The following TEX11 variants were observed in gnomAD, a reference collection of about 807,000 sequenced individuals.
The protein encoded by TEX11 is testis-expressed protein 11.
Under a neutral mutation model 84.4 loss-of-function variants are expected in TEX11, and 7 were observed. The ratio of observed to expected loss-of-function variants is 0.08; its 90% CI spans 0.05 to 0.16. The LOEUF (loss-of-function observed/expected upper bound fraction) is 0.16. Among genes scored for constraint, TEX11 ranks in the 10% least tolerant of loss-of-function variants. The pLI is 1.00. For missense variants in TEX11, 551 were observed against 660.5 expected (o/e 0.83, Z 1.82); for synonymous variants, 264 against 222.8 (o/e 1.18, Z -1.64).
In TEX11 at chrX:70,903,877, C is replaced by A. The variant is rs759401937; in HGVS notation, c.37+3876G>T. On this transcript the variant is annotated intron_variant, in intron 2 of 29. Coordinates refer to ENST00000374333, the MANE Select transcript of TEX11 (RefSeq NM_031276.3). ...ACAGGATCTCACTCTGTCACCCAAG[C>A]TGGAGCAATCAAGGCTCACTGCAGG... Among the ~76,000 whole-genome samples, 4 of 107,564 alleles carry A rather than the reference C, an allele frequency of 3.7e-5. No homozygotes were observed. The Admixed American group carries it at 4.0e-4, about 11-fold the overall frequency. 93.4% of individuals were successfully genotyped at this position (107,564 alleles called of 115,157 possible).
chrX:70,699,364 C>G (rs2090307362), intron 13 of TEX11, among the ~76,000 whole-genome samples: 1 of 111,585 alleles, frequency 9.0e-6, no homozygotes, highest in African/African-American at 3.3e-5. Flanking sequence ...TAATAATAAA[C>G]TAGTGATTCA....
chrX:70,546,251 A>G (rs2088122829), intron 28 of TEX11, among the ~76,000 whole-genome samples: 1 of 112,016 alleles, frequency 8.9e-6, no homozygotes, highest in Admixed American at 9.5e-5. Flanking sequence ...AAAATTTAAA[A>G]TGAATCATAG....
chrX:70,586,980 AG>A (rs1259509485), intron 25 of TEX11, among the ~76,000 whole-genome samples: 1 of 112,225 alleles, frequency 8.9e-6, no homozygotes, highest in East Asian at 2.8e-4. Flanking sequence ...CATGGAGATG[AG>A]GAACTTCTTG....
intron 16 of TEX11, among the ~76,000 whole-genome samples, chrX:70,667,429 C>G (rs1295715206): frequency 8.9e-6 from 1 of 111,874 alleles, no homozygotes; most frequent in African/African-American, 3.3e-5. Flanking sequence ...ATATTTTGTT[C>G]ATTACTATAT....
chrX:70,898,380 T>C lies in TEX11; in HGVS notation c.37+9373A>G, dbSNP rs73214809. Among the ~76,000 whole-genome samples, 885 of 111,226 alleles carry C rather than the reference T, an allele frequency of 8.0e-3. 9 individuals carry two copies. The highest frequency in any genetic ancestry group is 0.012 in the Non-Finnish European group (651 of 52,999). On this transcript the variant is annotated intron_variant, in intron 2 of 29. Coordinates refer to ENST00000374333, the MANE Select transcript of TEX11 (RefSeq NM_031276.3). ...TGTTACTTGAGGTGGGGCTGAAGGA[T>C]GAGTTAGAGATTTCCAGGCAGATAC...
At chrX:70,897,095 G>T (rs2091769996) in intron 2 of TEX11, among the ~76,000 whole-genome samples, 1 of 59,362 alleles carries the variant, frequency 1.7e-5, no homozygotes, top group Non-Finnish European at 4.5e-5. Context: ...TCACGACACT[G>T]CACTCTAGCC....
intron 25 of TEX11, among the ~76,000 whole-genome samples, chrX:70,566,978 G>T (rs2147963490): frequency 8.9e-6 from 1 of 111,756 alleles, no homozygotes; most frequent in African/African-American, 3.2e-5. Flanking sequence ...CAGAAGGAAT[G>T]GTACCGGTTC....
At chrX:70,900,183 A>AAATT (rs1178311986) in intron 2 of TEX11, among the ~76,000 whole-genome samples, 1 of 105,816 alleles carries the variant, frequency 9.5e-6, no homozygotes, top group Non-Finnish European at 1.9e-5. Flanking sequence ...AACAAACAAA[A>AAATT]AATTAATTAA....
intron 15 of TEX11, among the ~76,000 whole-genome samples, chrX:70,671,617 T>C (rs2090022345): frequency 9.2e-6 from 1 of 108,779 alleles, no homozygotes; most frequent in South Asian, 4.0e-4. Context: ...AGTAAAAAAA[T>C]AAATAAAGGC....
chrX:70,876,815 G>A (rs1341959037), intron 3 of TEX11, among the ~76,000 whole-genome samples: 3 of 110,872 alleles, frequency 2.7e-5, no homozygotes, highest in East Asian at 2.8e-4. Flanking sequence ...CCAGCTACTC[G>A]GAGGGCTGAG....
At chrX:70,846,530 C>T (rs1350957203) in intron 7 of TEX11, among the ~76,000 whole-genome samples, 1 of 112,279 alleles carries the variant, frequency 8.9e-6, no homozygotes, top group Non-Finnish European at 1.9e-5. Context: ...TCTTCCATTG[C>T]CTCGCCACCC....
chrX:70,715,525 C>T (rs2090489291), intron 13 of TEX11, among the ~76,000 whole-genome samples: 1 of 111,627 alleles, frequency 9.0e-6, no homozygotes. Context: ...TCTCTTCTCA[C>T]TTCATTTCAT....
At chrX:70,692,043 G>C (rs1304601014) in intron 13 of TEX11, among the ~76,000 whole-genome samples, 1 of 111,557 alleles carries the variant, frequency 9.0e-6, no homozygotes, top group African/African-American at 3.3e-5. Flanking sequence ...GAAAATAAAA[G>C]TTTGGAAAAA....
intron 9 of TEX11, among the ~76,000 whole-genome samples, chrX:70,750,045 G>A (rs1007349232): frequency 5.4e-5 from 6 of 110,696 alleles, no homozygotes; most frequent in Admixed American, 4.8e-4. Context: ...CTAATATCCA[G>A]AATCTACAAA....
At chrX:70,585,541 T>C (rs149271789) in intron 25 of TEX11, among the ~76,000 whole-genome samples, 21 of 111,855 alleles carry the variant, frequency 1.9e-4, no homozygotes, top group African/African-American at 6.2e-4. Context: ...GGTGCCCCAA[T>C]AGTTCAAAAT....
At chrX:70,833,741 T>G (rs2091390206) in intron 7 of TEX11, 148 bp from the exon 8 acceptor site, 1 of 455,189 alleles carries the variant, frequency 2.2e-6, no homozygotes, top group African/African-American at 2.5e-5. Context: ...GCTAAACAGA[T>G]AGCTTGCTCA....
At chrX:70,526,609 G>C (rs1400646380), downstream of TEX11, among the ~76,000 whole-genome samples, 2 of 110,178 alleles carry the variant, frequency 1.8e-5, no homozygotes, top group Admixed American at 9.7e-5. Context: ...GGAGCTATCA[G>C]TATGAACTCA....
intron 20 of TEX11, among the ~76,000 whole-genome samples, chrX:70,623,361 C>T (rs185292762): frequency 3.4e-4 from 38 of 111,522 alleles, no homozygotes; most frequent in Admixed American, 3.3e-3. Flanking sequence ...AAGTCTTCAA[C>T]GAATTGTTAA....
At chrX:70,549,594 C>T (rs987271991) in intron 28 of TEX11, among the ~76,000 whole-genome samples, 10 of 111,189 alleles carry the variant, frequency 9.0e-5, no homozygotes, top group African/African-American at 2.9e-4. Context: ...GATTGCAGAG[C>T]CCTTGGGCCT....
Sources: allele counts gnomAD v4.1 joint callset (sites outside exome capture counted in the v4.1 genomes callset), GRCh38; gene constraint gnomAD v4.1.1; transcripts MANE v1.5; gene names NCBI Gene and HGNC (gene_info 2026-07-23, HGNC 2026-07-21).